The following MGAT4A variants were observed in gnomAD, a reference collection of about 807,000 sequenced individuals.
The protein encoded by MGAT4A is N-acetylglucosaminyltransferase IVa.
In MGAT4A, 33 loss-of-function variants were observed where a neutral mutation model predicts 74.1. The observed-to-expected ratio is 0.45, with a 90% CI of 0.34 to 0.60. The LOEUF is 0.60. Among genes scored for constraint, MGAT4A ranks in the 20% least tolerant of loss-of-function variants. The pLI is 0.02. For synonymous variants in MGAT4A, 198 were observed against 210.4 expected (o/e 0.94, Z 0.51); for missense variants, 479 against 628.3 (o/e 0.76, Z 2.54).
intron 2 of MGAT4A, among the ~76,000 whole-genome samples, chr2:98,705,150 TA>T: frequency 6.6e-6 from 1 of 152,214 alleles, no homozygotes; most frequent in East Asian, 1.9e-4. Flanking sequence ...TACCTTTCAT[TA>T]CTGCCCCAGC....
chr2:98,624,258 C>T lies in MGAT4A; in HGVS notation c.*1308G>A, dbSNP rs1163438428. ...TGATCTCCTGACCTCGTGATCCGCC[C>T]GCCTCGGCCTCCCAAAGTGCTGGGA... On this transcript the variant is annotated 3_prime_UTR_variant, in exon 16 of 16. Coordinates refer to ENST00000393487, the MANE Select transcript of MGAT4A (RefSeq NM_012214.3). 20 of 734,118 alleles carry T rather than the reference C, an allele frequency of 2.7e-5. No individual in the cohort carries two copies. The highest frequency in any genetic ancestry group is 7.7e-5 in the African/African-American group (4 of 52,080). The allele number at this position is 734,118 out of a possible 1,614,324, so 45.5% of individuals were successfully genotyped here.
intron 14 of MGAT4A, among the ~76,000 whole-genome samples, chr2:98,628,005 AT>A (rs1397257945): frequency 6.6e-6 from 1 of 151,966 alleles, no homozygotes; most frequent in African/African-American, 2.4e-5. Flanking sequence ...AATACCTTAC[AT>A]TTTTTTCAAG....
At position 98,633,284 on chromosome 2, in the gene MGAT4A, G is replaced by A. The variant is rs138852976; in HGVS notation, c.1468+1938C>T. Among the ~76,000 whole-genome samples, 44 of 152,316 alleles carry A rather than the reference G, an allele frequency of 2.9e-4. 1 individual carries two copies. Among genetic ancestry groups the A allele is most frequent in the African/African-American group, 9.9e-4 (41 of 41,570 alleles). On this transcript the variant is annotated intron_variant, in intron 14 of 15. Transcript: ENST00000393487. ...GGGCAGATGCCACAGCCCTAGACTA[G>A]AAGCTGGCAGGAGAGTCCAGTGTTC...
chr2:98,729,495 A>G (rs1344160394), intron 1 of MGAT4A, among the ~76,000 whole-genome samples: 1 of 152,178 alleles, frequency 6.6e-6, no homozygotes, highest in Non-Finnish European at 1.5e-5. Context: ...TAGCCCCTTA[A>G]TATTCTCGGA....
chr2:98,707,320 G>A (rs1345743147), intron 2 of MGAT4A, among the ~76,000 whole-genome samples: 1 of 152,124 alleles, frequency 6.6e-6, no homozygotes, highest in Non-Finnish European at 1.5e-5. Flanking sequence ...GGGTAGGGTG[G>A]CATGCAGGCA....
intron 2 of MGAT4A, chr2:98,726,026 T>C: frequency 2.1e-6 from 1 of 484,050 alleles, no homozygotes; most frequent in Non-Finnish European, 3.7e-6. Flanking sequence ...AGTACAATTA[T>C]AAGAAACTGA....
intron 2 of MGAT4A, among the ~76,000 whole-genome samples, chr2:98,713,068 T>A (rs1320210650): frequency 1.3e-5 from 2 of 150,070 alleles, no homozygotes; most frequent in East Asian, 2.0e-4. Context: ...AGTCAAGAGG[T>A]TAAGGTGGGA....
chr2:98,687,327 T>C (rs535765592), intron 2 of MGAT4A, among the ~76,000 whole-genome samples: 2 of 152,318 alleles, frequency 1.3e-5, no homozygotes, highest in East Asian at 3.9e-4. Flanking sequence ...TACAAACATA[T>C]AGCTAAGTGT....
intron 5 of MGAT4A, among the ~76,000 whole-genome samples, chr2:98,662,758 T>C (rs1701770216): frequency 1.3e-5 from 2 of 152,162 alleles, no homozygotes; most frequent in East Asian, 1.9e-4. Flanking sequence ...CCAAAGATCA[T>C]CAGTGCAAAT....
chr2:98,718,516 C>T (rs1241527269), intron 2 of MGAT4A, among the ~76,000 whole-genome samples: 1 of 152,122 alleles, frequency 6.6e-6, no homozygotes, highest in Non-Finnish European at 1.5e-5. Context: ...AGTATTTGAA[C>T]CAAGATCATT....
chr2:98,644,276 G>A (rs1280994574), intron 9 of MGAT4A, among the ~76,000 whole-genome samples: 1 of 152,106 alleles, frequency 6.6e-6, no homozygotes, highest in Non-Finnish European at 1.5e-5. Context: ...GTAAATTCCC[G>A]ATGTTACTAT....
At chr2:98,730,761 G>A (rs1336688716) in intron 1 of MGAT4A, among the ~76,000 whole-genome samples, 2 of 149,318 alleles carry the variant, frequency 1.3e-5, no homozygotes, top group African/African-American at 4.9e-5. Flanking sequence ...TGCGCGGTGC[G>A]GGGCAGGGAC....
In MGAT4A at chr2:98,619,678, A is replaced by T. The variant is rs1397223882; in HGVS notation, c.*5888T>A. On this transcript the variant is annotated 3_prime_UTR_variant, in exon 16 of 16. Coordinates refer to ENST00000393487, the MANE Select transcript of MGAT4A (RefSeq NM_012214.3). Reference sequence around the variant, plus strand: ...CTCAGAGAATATGTCTTCAAAAGATATTTTCACCAAATTTGAGCAAACACT... The same window carrying T: ...CTCAGAGAATATGTCTTCAAAAGATTTTTTCACCAAATTTGAGCAAACACT... 6.6e-6 allele frequency: 1 copy of T among 152,226 alleles called. No homozygotes were observed. The highest frequency in any genetic ancestry group is 1.5e-5 in the Non-Finnish European group (1 of 68,038). The allele number at this position is 152,226 out of a possible 1,614,324, so 9.4% of individuals were successfully genotyped here. A position where few individuals can be genotyped will look rare whatever the true frequency, so the allele number is the denominator to read the frequency against.
intron 4 of MGAT4A, 152 bp from the exon 5 acceptor site, chr2:98,663,331 A>T: frequency 6.5e-7 from 1 of 1,528,320 alleles, no homozygotes; most frequent in East Asian, 2.5e-5. Context: ...TAAAGAATAC[A>T]AGGGCATACC....
chr2:98,665,091 A>T (rs1208397054), intron 4 of MGAT4A, among the ~76,000 whole-genome samples: 2 of 152,116 alleles, frequency 1.3e-5, no homozygotes, highest in Non-Finnish European at 2.9e-5. Context: ...GCACTTTGGG[A>T]GGCCGAGGCG....
At position 98,669,407 on chromosome 2, in the gene MGAT4A, C is replaced by T. The variant is rs143147540; in HGVS notation, c.403+5628G>A. 6.0e-3 allele frequency among the ~76,000 whole-genome samples: 908 copies of T among 152,242 alleles called. 5 individuals are homozygous for T. The highest frequency in any genetic ancestry group is 0.024 in the Middle Eastern group (7 of 294). On this transcript the variant is annotated intron_variant, in intron 4 of 15. Transcript: ENST00000393487. ...ATGTGACTTGCTCCTCCTTGCCTTC[C>T]GCCATGATTGTGAGGCCGCCCCAGC...
chr2:98,695,972 A>C (rs1366875545), intron 2 of MGAT4A, among the ~76,000 whole-genome samples: 1 of 146,370 alleles, frequency 6.8e-6, no homozygotes, highest in African/African-American at 2.5e-5. Context: ...TCCGCCTCCC[A>C]GGCTCAAGAG....
At chr2:98,638,189 T>C (rs998539735) in intron 12 of MGAT4A, among the ~76,000 whole-genome samples, 1 of 152,228 alleles carries the variant, frequency 6.6e-6, no homozygotes, top group African/African-American at 2.4e-5. Flanking sequence ...CTCACCTCTA[T>C]TAACAGTTTA....
intron 1 of MGAT4A, among the ~76,000 whole-genome samples, chr2:98,728,744 G>GGA (rs1559178986): frequency 7.3e-6 from 1 of 137,326 alleles, no homozygotes; most frequent in African/African-American, 2.6e-5. Context: ...GACTCAGTTT[G>GGA]AAAAAAAAAA....
Sources: gnomAD v4.1 joint callset for allele counts (sites outside exome capture counted in the v4.1 genomes callset) on GRCh38, gnomAD v4.1.1 for gene constraint, MANE v1.5 for transcripts, NCBI Gene and HGNC (gene_info 2026-07-23, HGNC 2026-07-21) for gene names.